The following HIVEP3 variants were observed in gnomAD, a reference collection of about 807,000 sequenced individuals.
The protein encoded by HIVEP3 is HIVEP zinc finger 3.
A neutral mutation model predicts 152.8 loss-of-function variants in HIVEP3; 49 were observed. That is an observed-to-expected ratio of 0.32 (90% CI 0.26 to 0.41). The LOEUF is 0.41. HIVEP3 is among the 10% of genes least tolerant of loss of function. The probability of loss-of-function intolerance (pLI) is 1.00; values close to 1 mark genes in which losing one functional copy is unlikely to be tolerated. For missense variants in HIVEP3, 2,790 were observed against 3,103.3 expected (o/e 0.90, Z 2.40); for synonymous variants, 1,269 against 1,289.0 (o/e 0.98, Z 0.33).
At chr1:42,025,809 C>A (rs1364743484) in intron 1 of HIVEP3, among the ~76,000 whole-genome samples, 1 of 152,214 alleles carries the variant, frequency 6.6e-6, no homozygotes, top group Non-Finnish European at 1.5e-5. Flanking sequence ...GTAGCTCACA[C>A]CTGTAATCAC....
intron 1 of HIVEP3, among the ~76,000 whole-genome samples, chr1:41,752,061 G>T (rs1647173614): frequency 6.6e-6 from 1 of 152,210 alleles, no homozygotes; most frequent in Non-Finnish European, 1.5e-5. Flanking sequence ...TCACTCAGGG[G>T]TGTGACTTTG....
intron 7 of HIVEP3, among the ~76,000 whole-genome samples, chr1:41,514,988 T>A (rs1295601338): frequency 1.3e-5 from 2 of 152,172 alleles, no homozygotes; most frequent in African/African-American, 4.8e-5. Flanking sequence ...ATCTCTGAAA[T>A]GGACAGCAAT....
At chr1:41,684,377 C>T (rs1201973253) in intron 2 of HIVEP3, among the ~76,000 whole-genome samples, 1 of 152,228 alleles carries the variant, frequency 6.6e-6, no homozygotes, top group Non-Finnish European at 1.5e-5. Flanking sequence ...GCTGCAGCTG[C>T]TGACCATTTC....
In HIVEP3 at chr1:41,582,770, A is replaced by T. The variant is rs913456021; in HGVS notation, c.2028T>A (p.Ser676=). ...CSELQIAKPI[S]AGTHTSPEAE... is the part of the protein sequence containing the mutation. The stretch of plus-strand genomic sequence containing the variant: ...CTTCTGGAGATGTGTGGGTGCCTGC[A>T]GAGATGGGCTTTGCGATCTGAAGCT... Residue 676 remains serine (S), a synonymous_variant, in exon 4 of 9, where the codon TCT becomes TCA. Coordinates refer to ENST00000372583, the MANE Select transcript of HIVEP3 (RefSeq NM_024503.5). The surrounding 1 kb of genome is among the most constrained non-coding windows in gnomAD (Gnocchi z 4.7). 6 of 1,614,182 alleles carry T rather than the reference A, an allele frequency of 3.7e-6. No homozygotes were observed. The highest frequency in any genetic ancestry group is 5.1e-6 in the Non-Finnish European group (6 of 1,180,040).
chr1:41,823,011 G>C (rs185333927), intron 1 of HIVEP3, among the ~76,000 whole-genome samples: 4 of 152,200 alleles, frequency 2.6e-5, no homozygotes, highest in Non-Finnish European at 5.9e-5. Context: ...CTAGAGAAAG[G>C]CTCTTAAGGA....
intron 5 of HIVEP3, among the ~76,000 whole-genome samples, chr1:41,567,123 C>T (rs1054288290): frequency 2.6e-5 from 4 of 152,158 alleles, no homozygotes; most frequent in African/African-American, 9.7e-5. Flanking sequence ...ACCTATTTTT[C>T]ACTTCCCTCC....
At chr1:41,788,413 A>T (rs543058613) in intron 1 of HIVEP3, among the ~76,000 whole-genome samples, 4 of 152,270 alleles carry the variant, frequency 2.6e-5, no homozygotes, top group Middle Eastern at 3.4e-3. Flanking sequence ...ACCCAAGACC[A>T]CTCAGCCAAT....
intron 1 of HIVEP3, among the ~76,000 whole-genome samples, chr1:41,711,064 G>C (rs1377695962): frequency 1.3e-5 from 2 of 152,234 alleles, no homozygotes; most frequent in African/African-American, 4.8e-5. Context: ...TCTCCGCTCT[G>C]CTGCGGGCCT....
chr1:41,969,744 A>T (rs534789522), intron 1 of HIVEP3, among the ~76,000 whole-genome samples: 26 of 152,370 alleles, frequency 1.7e-4, no homozygotes, highest in South Asian at 1.4e-3. Flanking sequence ...TGCACAGCAA[A>T]AGAAATTTTC....
At chr1:41,871,188 CT>C (rs1350968098) in intron 1 of HIVEP3, among the ~76,000 whole-genome samples, 1 of 152,184 alleles carries the variant, frequency 6.6e-6, no homozygotes, top group East Asian at 1.9e-4. Flanking sequence ...GATGGGTTAT[CT>C]ACTCCAACTT....
At chr1:41,818,824 C>T (rs760788393) in intron 1 of HIVEP3, among the ~76,000 whole-genome samples, 11 of 152,160 alleles carry the variant, frequency 7.2e-5, no homozygotes, top group African/African-American at 1.2e-4. Context: ...TCCCTCCCCA[C>T]GCTTCCTGAG....
intron 2 of HIVEP3, among the ~76,000 whole-genome samples, chr1:41,665,565 G>T (rs1482790862): frequency 2.0e-5 from 3 of 151,106 alleles, no homozygotes; most frequent in African/African-American, 7.3e-5. Flanking sequence ...ACTGCTGTTT[G>T]ACAAGGTTGG....
chr1:41,761,557 T>A (rs1647682616), intron 1 of HIVEP3, among the ~76,000 whole-genome samples: 1 of 152,140 alleles, frequency 6.6e-6, no homozygotes, highest in Non-Finnish European at 1.5e-5. Flanking sequence ...TATGCATAAG[T>A]ATGTGTGCCT....
chr1:41,868,377 C>T (rs549773657), intron 1 of HIVEP3, among the ~76,000 whole-genome samples: 7 of 152,178 alleles, frequency 4.6e-5, no homozygotes, highest in Admixed American at 2.0e-4. Context: ...GATGGTGGCA[C>T]TGTCATGACA....
chr1:41,626,183 G>A (rs1485684872), intron 3 of HIVEP3, among the ~76,000 whole-genome samples: 2 of 151,478 alleles, frequency 1.3e-5, no homozygotes, highest in Non-Finnish European at 3.0e-5. Flanking sequence ...GGGCCACCCC[G>A]CCCTCCCCAG....
intron 1 of HIVEP3, among the ~76,000 whole-genome samples, chr1:41,807,664 A>G (rs941753117): frequency 5.3e-5 from 8 of 152,192 alleles, no homozygotes; most frequent in Non-Finnish European, 7.3e-5. Context: ...ACAGAGTCAC[A>G]AGGAAACAGA....
intron 1 of HIVEP3, among the ~76,000 whole-genome samples, chr1:41,758,480 C>T (rs1647462007): frequency 1.3e-5 from 2 of 152,292 alleles, no homozygotes; most frequent in South Asian, 4.1e-4. Context: ...TAGTGGTTCC[C>T]AAAAGACCTG....
In HIVEP3 at chr1:41,510,502, C is replaced by T. The variant is rs760894958; in HGVS notation, c.7170G>A (p.Glu2390=). ...CAGGCTGATGTGGATGTGCCCTGGG[C>T]TCCCCACTTCCTGAGGGCTTGGGGG... is the stretch of plus-strand genomic sequence containing the variant. ...QDSPKPSGSG[E]PRAHPHQPED... is the part of the protein sequence containing the mutation. Residue 2390 remains glutamate, a synonymous_variant, in exon 9 of 9, where the codon GAG becomes GAA. Transcript: ENST00000372583. The T allele has an allele frequency of 1.6e-5, 25 of 1,594,972 alleles. No individual in the cohort carries two copies. The highest frequency in any genetic ancestry group is 2.1e-5 in the Non-Finnish European group (25 of 1,170,890).
intron 1 of HIVEP3, among the ~76,000 whole-genome samples, chr1:41,718,270 G>A (rs888587261): frequency 2.0e-5 from 3 of 152,220 alleles, no homozygotes; most frequent in African/African-American, 4.8e-5. Flanking sequence ...GCGACTGTGG[G>A]CAATGGGGAT....
Sources: allele counts gnomAD v4.1 joint callset (sites outside exome capture counted in the v4.1 genomes callset), GRCh38; gene constraint gnomAD v4.1.1; non-coding constraint Gnocchi (gnomAD v3.1); transcripts MANE v1.5; gene names NCBI Gene and HGNC (gene_info 2026-07-23, HGNC 2026-07-21).